The following AGAP3 variants were observed in gnomAD, a reference collection of about 807,000 sequenced individuals.
AGAP3 encodes the protein arf-GAP with GTPase, ANK repeat and PH domain-containing protein 3.
Under a neutral mutation model 96.9 loss-of-function variants are expected in AGAP3, and 24 were observed. The ratio of observed to expected loss-of-function variants is 0.25; its 90% confidence interval spans 0.18 to 0.35. The LOEUF (loss-of-function observed/expected upper bound fraction) is 0.35. AGAP3 is among the 10% of genes least tolerant of loss of function. AGAP3 has a pLI of 1.00. For missense variants in AGAP3, 876 were observed against 1,254.2 expected, an observed-to-expected ratio of 0.70 and a Z score of 4.55; for synonymous variants, 563 against 536.1, an observed-to-expected ratio of 1.05 and a Z score of -0.69.
At chr7:151,113,764 G>C (rs898608396) in intron 1 of AGAP3, among the ~76,000 whole-genome samples, 2 of 152,236 alleles carry the variant, frequency 1.3e-5, no homozygotes, top group African/African-American at 4.8e-5. Flanking sequence ...TTACAATGCA[G>C]TGTCAATCAC....
At position 151,108,271 on chromosome 7, in the gene AGAP3, T is replaced by G. The variant is rs1360542567; in HGVS notation, c.332-8522T>G. ...CTCATGGATAGACAGGAAAACAAAC[T>G]GCTCTCAAGTACCATCTGTAGTACT... On this transcript the variant is annotated intron_variant, in intron 1 of 17. Coordinates refer to ENST00000397238, the MANE Select transcript of AGAP3 (RefSeq NM_031946.7). The surrounding 1 kb of genome is among the most constrained non-coding windows in gnomAD (Gnocchi z 4.2). Among the ~76,000 whole-genome samples, 2 of 152,176 alleles carry G rather than the reference T, an allele frequency of 1.3e-5. No individual in the cohort carries two copies. Among genetic ancestry groups the G allele is most frequent in the African/African-American group, 2.4e-5 (1 of 41,446 alleles).
intron 8 of AGAP3, among the ~76,000 whole-genome samples, chr7:151,121,248 G>C (rs1799874661): frequency 1.3e-5 from 2 of 152,156 alleles, no homozygotes; most frequent in African/African-American, 4.8e-5. Context: ...ACTCTGTGCT[G>C]ACGGTCCGCC....
At chr7:151,098,797 G>A (rs1376056488) in intron 1 of AGAP3, among the ~76,000 whole-genome samples, 2 of 142,462 alleles carry the variant, frequency 1.4e-5, no homozygotes, top group Non-Finnish European at 3.0e-5. Context: ...CAGTGGTGCA[G>A]TCTTGGCTCA....
At chr7:151,094,329 T>C (rs1279885441) in intron 1 of AGAP3, among the ~76,000 whole-genome samples, 1 of 152,124 alleles carries the variant, frequency 6.6e-6, no homozygotes, top group Non-Finnish European at 1.5e-5. Flanking sequence ...CAGAAGAAAA[T>C]GGTCAGACTC....
At position 151,107,487 on chromosome 7, in the gene AGAP3, G is replaced by T. The variant is rs146825067; in HGVS notation, c.332-9306G>T. On this transcript the variant is annotated intron_variant, in intron 1 of 17. Coordinates refer to ENST00000397238, the MANE Select transcript of AGAP3 (RefSeq NM_031946.7). Reference sequence around the variant, plus strand: ...AAAAAAATACTAAACCTAGCTGGGCGAGGTGGCACACCTGTAGTCCCAGCT... The same window carrying T: ...AAAAAAATACTAAACCTAGCTGGGCTAGGTGGCACACCTGTAGTCCCAGCT... Among the ~76,000 whole-genome samples, 513 of 152,014 alleles carry T rather than the reference G, an allele frequency of 3.4e-3. 6 individuals are homozygous for T. Among genetic ancestry groups the T allele is most frequent in the African/African-American group, 0.012 (485 of 41,450 alleles).
chr7:151,087,865 G>T (rs1240913888), intron 1 of AGAP3, among the ~76,000 whole-genome samples: 1 of 152,270 alleles, frequency 6.6e-6, no homozygotes, highest in South Asian at 2.1e-4. Context: ...GTGGCACGCT[G>T]CTGGCAGATG....
chr7:151,101,646 A>G (rs1221548642), intron 1 of AGAP3, among the ~76,000 whole-genome samples: 2 of 152,208 alleles, frequency 1.3e-5, no homozygotes, highest in African/African-American at 4.8e-5. Flanking sequence ...CCATAGTCCC[A>G]TAGGCCTGGC....
intron 8 of AGAP3, among the ~76,000 whole-genome samples, chr7:151,121,684 C>A (rs960951669): frequency 1.3e-5 from 2 of 152,176 alleles, no homozygotes; most frequent in Non-Finnish European, 2.9e-5. Context: ...GCTCACGGCA[C>A]GGCCTTCCCT....
At position 151,114,542 on chromosome 7, in the gene AGAP3, T is replaced by TGGCGCCCTCGGGACCGCCCG; in HGVS notation, c.332-2251_332-2250insGGCGCCCTCGGGACCGCCCG. The TGGCGCCCTCGGGACCGCCCG allele has an allele frequency of 4.3e-6, 1 of 230,338 alleles. No individual in the cohort carries two copies. The highest frequency in any genetic ancestry group is 7.2e-6 in the Non-Finnish European group (1 of 139,116). The allele number at this position is 230,338 out of a possible 1,614,324, so 14.3% of individuals were successfully genotyped here. ...CCGGCTCCCCCGCGCCGCGCCGCCG[T>TGGCGCCCTCGGGACCGCCCG]TCCCGGGCGTTCCAGGCCAGACTTG... is the stretch of plus-strand genomic sequence containing the variant. On this transcript the variant is annotated intron_variant, in intron 1 of 17. Transcript: ENST00000397238. This position sits in a 1 kb window ranked among gnomAD's most constrained non-coding sequence, Gnocchi z 4.4.
chr7:151,126,089 GTTCCGCCCGCGCCCCCGGCTAACGAGC>G, intron 9 of AGAP3, among the ~76,000 whole-genome samples: 16 of 144,820 alleles, frequency 1.1e-4, no homozygotes, highest in African/African-American at 3.9e-4. Context: ...CGGCCCGGTC[GTTCCGCCCGCGCCCCCGGCTAACGAGC>G]GTCATTACAG....
chr7:151,126,930 T>C (rs1386100310), intron 9 of AGAP3, among the ~76,000 whole-genome samples: 1 of 152,234 alleles, frequency 6.6e-6, no homozygotes, highest in Non-Finnish European at 1.5e-5. Flanking sequence ...CCAGCCCGCA[T>C]GCTCGCACCT....
In AGAP3 at chr7:151,143,962, A is replaced by G. The variant is rs771679014; in HGVS notation, c.*19A>G. On this transcript the variant is annotated 3_prime_UTR_variant, in exon 18 of 18. Transcript: ENST00000397238. The surrounding 1 kb of genome is among the most constrained non-coding windows in gnomAD (Gnocchi z 5.9). ...CCTATAAGGCCCAGGAAGAGGGCAG[A>G]GGGGCCAGAAGGACTCCATGGCCCA... is the stretch of plus-strand genomic sequence containing the variant. 4 of 1,606,696 alleles carry G rather than the reference A, an allele frequency of 2.5e-6. No individual in the cohort carries two copies. The highest frequency in any genetic ancestry group is 3.4e-6 in the Non-Finnish European group (4 of 1,174,202).
chr7:151,133,456 T>A lies in AGAP3; in HGVS notation c.1327-944T>A, dbSNP rs1268442808. 7.2e-6 allele frequency among the ~76,000 whole-genome samples: 1 copy of A among 139,392 alleles called. No individual in the cohort carries two copies. The highest frequency in any genetic ancestry group is 1.6e-5 in the Non-Finnish European group (1 of 63,766). The allele number at this position is 139,392 out of a possible 152,430, so 91.4% of individuals were successfully genotyped here. On this transcript the variant is annotated intron_variant, in intron 10 of 17. Transcript: ENST00000397238. This position sits in a 1 kb window ranked among gnomAD's most constrained non-coding sequence, Gnocchi z 5.4. ...CCTCCCTCCCTGCACTCGGCCGTGG[T>A]GCTCCCTAAATGATGGGGGGAGTCC...
chr7:151,116,398 C>T (rs1201270181), intron 1 of AGAP3: 1 of 203,184 alleles, frequency 4.9e-6, no homozygotes, highest in Non-Finnish European at 9.8e-6. Context: ...AACCAGGTGC[C>T]CAGCCCTTGG....
Position 151,098,956 on chromosome 7 carries a change from G to A in AGAP3, c.331+11884G>A, listed in dbSNP as rs528199567. ...TCACCATGTTGGCCAGACTGGTCTC[G>A]AACTCCTGACCACAGGCAGTCCACT... On this transcript the variant is annotated intron_variant, in intron 1 of 17. Coordinates refer to ENST00000397238, the MANE Select transcript of AGAP3 (RefSeq NM_031946.7). Among the ~76,000 whole-genome samples the A allele has an allele frequency of 1.8e-4, 28 of 151,654 alleles. No individual in the cohort carries two copies. In the East Asian group the frequency reaches 3.0e-3, roughly 16 times the overall value.
At position 151,144,429 on chromosome 7, in the gene AGAP3, T is replaced by C. The variant is rs1037467077; in HGVS notation, c.*486T>C. 1 of 160,936 alleles carries C rather than the reference T, an allele frequency of 6.2e-6. No homozygotes were observed. The highest frequency in any genetic ancestry group is 2.4e-5 in the African/African-American group (1 of 41,606). 10.0% of individuals were successfully genotyped at this position (160,936 alleles called of 1,614,324 possible). On this transcript the variant is annotated 3_prime_UTR_variant, in exon 18 of 18. Coordinates refer to ENST00000397238, the MANE Select transcript of AGAP3 (RefSeq NM_031946.7). Reference sequence around the variant, plus strand: ...TGATGAGCCAATAAACCAGACTGTGTGCGTGGCCTTGTTTCCCCCTTTTAC... The same window carrying C: ...TGATGAGCCAATAAACCAGACTGTGCGCGTGGCCTTGTTTCCCCCTTTTAC...
At chr7:151,117,850 G>C in intron 5 of AGAP3, 73 bp downstream of exon 5, 1 of 1,513,556 alleles carries the variant, frequency 6.6e-7, no homozygotes, top group Non-Finnish European at 8.8e-7. Context: ...GCAGGGGTGG[G>C]CAGGTGTGAG....
rs1799800525 is a variant in AGAP3 at position 151,120,066 on chromosome 7, T to C, written c.1049T>C (p.Leu350Pro). Residue 350 changes from leucine to proline, a missense_variant, in exon 8 of 18, where the codon CTG becomes CCG. This residue lies in a region of AGAP3 where 100 missense variants were observed against 129.4 expected (regional missense o/e 0.77). Transcript: ENST00000397238. ...PSTPSISQRE[L>P]RIETIAASST... Reference sequence around the variant, plus strand: ...ACCCCCAGCATCAGCCAGCGGGAGCTGCGCATCGAGACCATCGCTGCCTCC... The same window carrying C: ...ACCCCCAGCATCAGCCAGCGGGAGCCGCGCATCGAGACCATCGCTGCCTCC... 1 of 1,613,794 alleles carries C rather than the reference T, an allele frequency of 6.2e-7. No homozygotes were observed. Among genetic ancestry groups the C allele is most frequent in the African/African-American group, 1.3e-5 (1 of 74,908 alleles).
Position 151,134,231 on chromosome 7 carries a change from C to T in AGAP3, c.1327-169C>T, listed in dbSNP as rs80221684. On this transcript the variant is annotated intron_variant, in intron 10 of 17. Transcript: ENST00000397238. The stretch of plus-strand genomic sequence containing the variant: ...GAGCTGCTTTGAGCACCGTGGAGAT[C>T]GAGGTGGAATCCAGACTCGGAGACA... 1.7e-3 allele frequency among the ~76,000 whole-genome samples: 252 copies of T among 152,210 alleles called. 6 individuals are homozygous for T. In the East Asian group the frequency reaches 0.045, roughly 27 times the overall value.
Sources: allele counts gnomAD v4.1 joint callset (sites outside exome capture counted in the v4.1 genomes callset), GRCh38; gene constraint gnomAD v4.1.1; regional missense constraint gnomAD v4.1.1; non-coding constraint Gnocchi (gnomAD v3.1); transcripts MANE v1.5; gene names NCBI Gene and HGNC (gene_info 2026-07-23, HGNC 2026-07-21).